ZNF585B: variants seen among roughly 807,000 people sequenced by gnomAD.
The protein encoded by ZNF585B is zinc finger protein 41-like protein.
Under a neutral mutation model 14.0 loss-of-function variants are expected in ZNF585B, and 7 were observed. The observed-to-expected ratio is 0.50, with a 90% CI of 0.28 to 0.94. The LOEUF is 0.94. Among genes scored for constraint, ZNF585B ranks in the 40% least tolerant of loss-of-function variants. The pLI is 0.09. For synonymous variants in ZNF585B, 290 were observed against 317.3 expected (o/e 0.91, Z 0.91); for missense variants, 750 against 924.4 (o/e 0.81, Z 2.45).
At position 37,184,416 on chromosome 19, in the gene ZNF585B, G is replaced by GAAAGAAAGAAAGAAAGAAAGAAAGAGAA. The variant is rs60442183; in HGVS notation, c.*810_*811insTTCTCTTTCTTTCTTTCTTTCTTTCTTT. ...AGAAAGAAAGAAAGAAAGAAAGAAA[G>GAAAGAAAGAAAGAAAGAAAGAAAGAGAA]AGAAAGAAAGAAAAAGAAAGAAAGA... is the stretch of plus-strand genomic sequence containing the variant. On this transcript the variant is annotated 3_prime_UTR_variant, in exon 5 of 5. Coordinates refer to ENST00000532828, the MANE Select transcript of ZNF585B (RefSeq NM_152279.4). 3 of 67,988 alleles carry GAAAGAAAGAAAGAAAGAAAGAAAGAGAA rather than the reference G, an allele frequency of 4.4e-5. No individual in the cohort carries two copies. Among genetic ancestry groups the GAAAGAAAGAAAGAAAGAAAGAAAGAGAA allele is most frequent in the Non-Finnish European group, 8.4e-5 (3 of 35,918 alleles). The allele number at this position is 67,988 out of a possible 1,614,324, so 4.2% of individuals were successfully genotyped here. A position where few individuals can be genotyped will look rare whatever the true frequency, so the allele number is the denominator to read the frequency against.
At chr19:37,198,073 T>C (rs868263485) in intron 2 of ZNF585B, among the ~76,000 whole-genome samples, 2 of 152,190 alleles carry the variant, frequency 1.3e-5, no homozygotes, top group African/African-American at 2.4e-5. Flanking sequence ...GAGATTTAGC[T>C]GACAGGATAT....
chr19:37,185,139 A>T lies in ZNF585B; in HGVS notation c.*88T>A. ...CATTCTGATGTGGTCATTTCTATTT[A>T]CAATAATATACATATTTTTCTGCTG... On this transcript the variant is annotated 3_prime_UTR_variant, in exon 5 of 5. Transcript: ENST00000532828. 7 of 1,469,018 alleles carry T rather than the reference A, an allele frequency of 4.8e-6. No individual in the cohort carries two copies. The highest frequency in any genetic ancestry group is 6.4e-6 in the Non-Finnish European group (7 of 1,092,012). The allele number at this position is 1,469,018 out of a possible 1,614,324, so 91.0% of individuals were successfully genotyped here.
In ZNF585B at chr19:37,187,093, A is replaced by G. The variant is rs761545578; in HGVS notation, c.444T>C (p.His148=). The change falls in exon 5 of 5, where the codon CAT becomes CAC. Residue 148 remains histidine, a synonymous_variant. Transcript: ENST00000532828. ...GTTTTTCTCCTGTAGGAACTTTCAG[A>G]TGTACCTTGAACTGTGACTTCCAGG... ...SFTWKSQFKV[H]LKVPTGEKLY... 1 of 1,614,064 alleles carries G rather than the reference A, an allele frequency of 6.2e-7. No homozygotes were observed. Among genetic ancestry groups the G allele is most frequent in the South Asian group, 1.1e-5 (1 of 91,040 alleles).
At chr19:37,200,779 C>T (rs1175601589) in intron 2 of ZNF585B, among the ~76,000 whole-genome samples, 10 of 150,424 alleles carry the variant, frequency 6.6e-5, no homozygotes, top group Admixed American at 3.3e-4. Flanking sequence ...GTTATAAAGC[C>T]GCCACTAAAA....
intron 2 of ZNF585B, among the ~76,000 whole-genome samples, chr19:37,197,253 A>G (rs1972477148): frequency 6.6e-6 from 1 of 151,580 alleles, no homozygotes; most frequent in Non-Finnish European, 1.5e-5. Context: ...TCCTTGTGAT[A>G]GTTTGCTCAG....
chr19:37,204,750 CTTT>C (rs752663616), intron 2 of ZNF585B, among the ~76,000 whole-genome samples: 5 of 140,834 alleles, frequency 3.6e-5, no homozygotes, highest in Admixed American at 1.4e-4. Flanking sequence ...AATTGTTTTT[CTTT>C]TTTTTTTTTT....
At chr19:37,194,159 A>G (rs1972434688) in intron 2 of ZNF585B, among the ~76,000 whole-genome samples, 1 of 152,224 alleles carries the variant, frequency 6.6e-6, no homozygotes, top group Admixed American at 6.5e-5. Context: ...TAAAAGGTAC[A>G]ATAGGTGAAC....
chr19:37,193,007 T>C lies in ZNF585B; in HGVS notation c.73-2857A>G, dbSNP rs145449365. Among the ~76,000 whole-genome samples the C allele has an allele frequency of 7.8e-3, 1,181 of 151,452 alleles. 22 individuals carry two copies. The highest frequency in any genetic ancestry group is 0.028 in the African/African-American group (1,135 of 41,184). ...AAAATTAGCTGGGCACAGTGGCACA[T>C]GCCTGGAATCCCGGCTACTTGGGAG... On this transcript the variant is annotated intron_variant, in intron 2 of 4. Coordinates refer to ENST00000532828, the MANE Select transcript of ZNF585B (RefSeq NM_152279.4).
At chr19:37,192,395 A>T (rs1368303571) in intron 2 of ZNF585B, among the ~76,000 whole-genome samples, 1 of 152,078 alleles carries the variant, frequency 6.6e-6, no homozygotes, top group Non-Finnish European at 1.5e-5. Flanking sequence ...GTATGGGGTA[A>T]GGGGGACATT....
In ZNF585B at chr19:37,186,434, T is replaced by C; in HGVS notation, c.1103A>G (p.Glu368Gly). 1.1e-5 allele frequency: 17 copies of C among 1,614,156 alleles called. No homozygotes were observed. The highest frequency in any genetic ancestry group is 2.2e-5 in the East Asian group (1 of 44,872). The stretch of plus-strand genomic sequence containing the variant: ...GTGAATTCTCTGATGAATAATCAAC[T>C]CTGACCTGTAGGTAAAGGCCTTCCC... ...ECGKAFTYRS[E>G]LIIHQRIHTG... Residue 368 changes from glutamate to glycine, a missense_variant, in exon 5 of 5, where the codon GAG (glutamate) becomes GGG (glycine). Physicochemically the swap from Glu to Gly is moderately conservative, Grantham distance 98. This residue lies in a region of ZNF585B where 517 missense variants were observed against 570.3 expected (regional missense o/e 0.91). Coordinates refer to ENST00000532828, the MANE Select transcript of ZNF585B (RefSeq NM_152279.4).
chr19:37,207,304 T>C (rs551200131), intron 1 of ZNF585B, 50 bp from the exon 2 acceptor site: 1 of 1,352,050 alleles, frequency 7.4e-7, no homozygotes, highest in East Asian at 2.6e-5. Context: ...ACATAAACAC[T>C]TCCTGGATAC....
At chr19:37,210,243 C>T (rs1440080933) in intron 1 of ZNF585B, among the ~76,000 whole-genome samples, 198 bp downstream of exon 1, 3 of 152,020 alleles carry the variant, frequency 2.0e-5, no homozygotes, top group African/African-American at 7.2e-5. Context: ...CAGTCACTGA[C>T]CACAGACTCC....
Position 37,198,994 on chromosome 19 carries a change from G to A in ZNF585B, c.72+8046C>T, listed in dbSNP as rs1039851972. 1.3e-5 allele frequency: 20 copies of A among 1,530,110 alleles called. No individual in the cohort carries two copies. The East Asian group carries it at 4.4e-4, about 34-fold the overall frequency. The allele number at this position is 1,530,110 out of a possible 1,614,324, so 94.8% of individuals were successfully genotyped here. ...GAGATTACAGTTTGTCTCTTGTGAT[G>A]CATATTGATTGTGCTTATAGGGCTC... On this transcript the variant is annotated intron_variant, in intron 2 of 4. Transcript: ENST00000532828.
At chr19:37,189,902 G>A in intron 3 of ZNF585B, 122 bp downstream of exon 3, 6 of 1,557,674 alleles carry the variant, frequency 3.9e-6, no homozygotes, top group Non-Finnish European at 4.3e-6. Context: ...AACAAACAGA[G>A]AACCCTGGAG....
intron 2 of ZNF585B, among the ~76,000 whole-genome samples, chr19:37,200,072 A>C (rs2145441655): frequency 6.7e-6 from 1 of 150,338 alleles, no homozygotes; most frequent in South Asian, 2.1e-4. Flanking sequence ...AAAATAAAAT[A>C]AAATAAAATA....
chr19:37,197,662 C>T (rs992876593), intron 2 of ZNF585B, among the ~76,000 whole-genome samples: 62 of 152,196 alleles, frequency 4.1e-4, no homozygotes, highest in African/African-American at 1.5e-3. Context: ...GACTTTTTAA[C>T]GATTGCCATT....
chr19:37,207,875 G>A (rs922497142), intron 1 of ZNF585B, among the ~76,000 whole-genome samples: 2 of 152,094 alleles, frequency 1.3e-5, no homozygotes, highest in African/African-American at 2.4e-5. Context: ...AATGATATGC[G>A]ATTGAGTGTG....
chr19:37,197,843 C>T (rs1199735239), intron 2 of ZNF585B, among the ~76,000 whole-genome samples: 1 of 152,012 alleles, frequency 6.6e-6, no homozygotes, highest in Non-Finnish European at 1.5e-5. Flanking sequence ...TTTGCACCAA[C>T]CTAATACATA....
At chr19:37,199,772 G>A (rs145701495) in intron 2 of ZNF585B, among the ~76,000 whole-genome samples, 154 of 152,144 alleles carry the variant, frequency 1.0e-3, no homozygotes, top group African/African-American at 3.5e-3. Context: ...CAGGCCAGGC[G>A]CTGTGGCTCA....
Sources: allele counts gnomAD v4.1 joint callset (sites outside exome capture counted in the v4.1 genomes callset), GRCh38; gene constraint gnomAD v4.1.1; regional missense constraint gnomAD v4.1.1; transcripts MANE v1.5; gene names NCBI Gene and HGNC (gene_info 2026-07-23, HGNC 2026-07-21).